Variants in SH2D4B observed in about 807,000 individuals in gnomAD.
SH2D4B encodes SH2 domain containing 4B, also known as SH2 domain-containing protein 4B.
In SH2D4B, 45 loss-of-function variants were observed where a neutral mutation model predicts 61.5. That is an observed-to-expected ratio of 0.73 (90% CI 0.58 to 0.94). The LOEUF is 0.94. SH2D4B is among the 40% of genes least tolerant of loss of function. The pLI is 0.00. For synonymous variants in SH2D4B, 224 were observed against 220.4 expected (o/e 1.02, Z -0.14); for missense variants, 572 against 574.2 (o/e 1.00, Z 0.04).
chr10:80,594,106 T>G (rs1842361479), intron 4 of SH2D4B, among the ~76,000 whole-genome samples: 2 of 152,160 alleles, frequency 1.3e-5, no homozygotes, highest in Admixed American at 6.6e-5. Context: ...TAGCCACCAT[T>G]TAATATGATG....
At chr10:80,555,187 T>C (rs1383630461) in intron 1 of SH2D4B, among the ~76,000 whole-genome samples, 1 of 152,164 alleles carries the variant, frequency 6.6e-6, no homozygotes, top group Non-Finnish European at 1.5e-5. Flanking sequence ...GCCAGGGTTT[T>C]GCTCATCAGA....
intron 1 of SH2D4B, among the ~76,000 whole-genome samples, chr10:80,553,994 T>A (rs1169269376): frequency 5.3e-5 from 8 of 152,208 alleles, no homozygotes; most frequent in Non-Finnish European, 4.4e-5. Flanking sequence ...GATAATAAGT[T>A]CTGCATCCCA....
intron 5 of SH2D4B, among the ~76,000 whole-genome samples, chr10:80,608,151 C>T (rs764631034): frequency 3.3e-5 from 5 of 152,098 alleles, no homozygotes; most frequent in Non-Finnish European, 5.9e-5. Context: ...AGAGAGAAAC[C>T]GGAGAACCTC....
chr10:80,568,925 G>C (rs1842004716), intron 1 of SH2D4B, among the ~76,000 whole-genome samples: 1 of 152,212 alleles, frequency 6.6e-6, no homozygotes, highest in South Asian at 2.1e-4. Flanking sequence ...AAGTTACAGT[G>C]TCTAGCTTTT....
At chr10:80,618,313 C>CATGAACAG (rs1472847684) in intron 6 of SH2D4B, among the ~76,000 whole-genome samples, 36 of 152,264 alleles carry the variant, frequency 2.4e-4, no homozygotes, top group African/African-American at 7.7e-4. Flanking sequence ...CTGGGTGATA[C>CATGAACAG]CACTCTCTCA....
intron 4 of SH2D4B, among the ~76,000 whole-genome samples, chr10:80,602,472 A>G (rs1842461636): frequency 6.6e-6 from 1 of 152,190 alleles, no homozygotes; most frequent in Non-Finnish European, 1.5e-5. Flanking sequence ...CAAAAAATGA[A>G]TATATACACA....
intron 6 of SH2D4B, among the ~76,000 whole-genome samples, chr10:80,631,929 G>T (rs1055244067): frequency 5.3e-5 from 8 of 152,130 alleles, no homozygotes; most frequent in South Asian, 2.1e-4. Flanking sequence ...CTTGAAAATT[G>T]CCAAGAGAGT....
At chr10:80,598,782 G>A (rs1381822802) in intron 4 of SH2D4B, among the ~76,000 whole-genome samples, 1 of 151,888 alleles carries the variant, frequency 6.6e-6, no homozygotes, top group Admixed American at 6.6e-5. Context: ...TCATTTCATA[G>A]TTTTTCAACT....
intron 6 of SH2D4B, among the ~76,000 whole-genome samples, chr10:80,610,047 T>C (rs1842577054): frequency 6.6e-6 from 1 of 152,176 alleles, no homozygotes; most frequent in Non-Finnish European, 1.5e-5. Context: ...TCACCTTGTT[T>C]CCAAAGCTCT....
At position 80,571,566 on chromosome 10, in the gene SH2D4B, C is replaced by A; in HGVS notation, c.483C>A (p.His161Gln). 6.2e-7 allele frequency: 1 copy of A among 1,613,784 alleles called. No homozygotes were observed. ...CCAAAGTCCTGGAGGAACGCATCCA[C>A]GAGGAATTCAAGGTGGGCCAGCGCA... The part of the protein sequence containing the change: ...KAAKVLEERI[H>Q]EEFKRKEEEE... Residue 161 changes from histidine to glutamine, a missense_variant, in exon 3 of 8, where the codon CAC (histidine) becomes CAA (glutamine). By Grantham distance (24) the His-to-Gln change is conservative. Transcript: ENST00000646907.
chr10:80,614,406 G>A (rs1842636726), intron 6 of SH2D4B, among the ~76,000 whole-genome samples: 1 of 152,208 alleles, frequency 6.6e-6, no homozygotes, highest in African/African-American at 2.4e-5. Flanking sequence ...GGTGAGGACA[G>A]CACCAAGCCA....
intron 2 of SH2D4B, among the ~76,000 whole-genome samples, chr10:80,571,066 T>G (rs1468668969): frequency 6.6e-6 from 1 of 151,988 alleles, no homozygotes; most frequent in Non-Finnish European, 1.5e-5. Context: ...GTAGAGACGG[T>G]GTCACACTAT....
intron 3 of SH2D4B, among the ~76,000 whole-genome samples, chr10:80,571,808 C>CT (rs1370230130): frequency 2.1e-5 from 3 of 140,692 alleles, no homozygotes; most frequent in Non-Finnish European, 3.0e-5. Context: ...GAGTCTTGCT[C>CT]GTCGCCCAGG....
intron 1 of SH2D4B, among the ~76,000 whole-genome samples, chr10:80,550,633 C>G (rs1841748094): frequency 6.6e-6 from 1 of 152,018 alleles, no homozygotes; most frequent in Non-Finnish European, 1.5e-5. Flanking sequence ...TTATGTCCTA[C>G]TAAGAAAGCT....
At chr10:80,603,367 G>C (rs1842474044) in intron 4 of SH2D4B, among the ~76,000 whole-genome samples, 1 of 152,160 alleles carries the variant, frequency 6.6e-6, no homozygotes, top group South Asian at 2.1e-4. Flanking sequence ...AGGGCTGGGC[G>C]GGGCCTGCTC....
intron 4 of SH2D4B, among the ~76,000 whole-genome samples, chr10:80,601,571 C>G (rs947376006): frequency 1.3e-5 from 2 of 152,136 alleles, no homozygotes; most frequent in Admixed American, 1.3e-4. Context: ...ATGAATAGAC[C>G]AAAGCAAACT....
intron 5 of SH2D4B, among the ~76,000 whole-genome samples, chr10:80,608,673 G>A (rs547614781): frequency 1.3e-5 from 2 of 152,080 alleles, no homozygotes; most frequent in Admixed American, 6.5e-5. Flanking sequence ...AACTCTTCCC[G>A]TGCTCCTCCT....
At chr10:80,598,708 T>G (rs1000929527) in intron 4 of SH2D4B, among the ~76,000 whole-genome samples, 1 of 152,136 alleles carries the variant, frequency 6.6e-6, no homozygotes, top group Non-Finnish European at 1.5e-5. Context: ...CAACAGAGAA[T>G]TCAGTCAGTT....
At chr10:80,634,003 A>G (rs1207038868) in intron 6 of SH2D4B, among the ~76,000 whole-genome samples, 4 of 152,344 alleles carry the variant, frequency 2.6e-5, no homozygotes, top group East Asian at 3.9e-4. Flanking sequence ...AATTAATCCA[A>G]ATCACCCTGG....
Sources: allele counts gnomAD v4.1 joint callset (sites outside exome capture counted in the v4.1 genomes callset), GRCh38; gene constraint gnomAD v4.1.1; transcripts MANE v1.5; gene names NCBI Gene and HGNC (gene_info 2026-07-23, HGNC 2026-07-21).